The following RFX7 variants were observed in gnomAD, a reference collection of about 807,000 sequenced individuals.
The protein encoded by RFX7 is regulatory factor X7.
In RFX7, 26 loss-of-function variants were observed where a neutral mutation model predicts 111.8. The observed-to-expected ratio is 0.23, with a 90% CI of 0.17 to 0.32. RFX7 has a LOEUF of 0.32. RFX7 is among the 10% of genes least tolerant of loss of function. The pLI is 1.00. For missense variants in RFX7, 1,573 were observed against 1,772.9 expected, an observed-to-expected ratio of 0.89 and a Z score of 2.02; for synonymous variants, 624 against 624.4, an observed-to-expected ratio of 1.00 and a Z score of 0.01.
At chr15:56,142,141 A>C (rs2042409120) in intron 5 of RFX7, among the ~76,000 whole-genome samples, 1 of 152,104 alleles carries the variant, frequency 6.6e-6, no homozygotes, top group South Asian at 2.1e-4. Flanking sequence ...CCTCCTTCCA[A>C]ATCAATTATA....
chr15:56,154,147 GA>G (rs2042617023), intron 3 of RFX7, among the ~76,000 whole-genome samples: 1 of 152,028 alleles, frequency 6.6e-6, no homozygotes, highest in African/African-American at 2.4e-5. Context: ...CAAACAAAAG[GA>G]AAAATATTCC....
chr15:56,230,833 G>A (rs1296639122), intron 2 of RFX7, among the ~76,000 whole-genome samples: 3 of 152,286 alleles, frequency 2.0e-5, no homozygotes, highest in Middle Eastern at 3.4e-3. Flanking sequence ...AGTGGCTCAC[G>A]CCTGTAATCC....
intron 5 of RFX7, among the ~76,000 whole-genome samples, chr15:56,110,328 T>C (rs1416532591): frequency 2.6e-4 from 6 of 23,084 alleles, no homozygotes; most frequent in Non-Finnish European, 4.7e-4. Flanking sequence ...GGGGGGGGGG[T>C]CAGCCCCCCG....
At chr15:56,193,560 T>C (rs549043053) in intron 2 of RFX7, among the ~76,000 whole-genome samples, 1 of 152,332 alleles carries the variant, frequency 6.6e-6, no homozygotes, top group African/African-American at 2.4e-5. Context: ...TCTGGTATTT[T>C]GGTATTAGAT....
At chr15:56,110,075 C>G (rs1360471772) in intron 5 of RFX7, among the ~76,000 whole-genome samples, 1 of 129,656 alleles carries the variant, frequency 7.7e-6, no homozygotes, top group Non-Finnish European at 1.6e-5. Context: ...CCAGCCGCCC[C>G]GTCTGGGAGG....
intron 5 of RFX7, among the ~76,000 whole-genome samples, chr15:56,135,613 A>T (rs1307790057): frequency 1.3e-5 from 2 of 151,836 alleles, no homozygotes; most frequent in Non-Finnish European, 2.9e-5. Flanking sequence ...GAAGCTCTTT[A>T]GTTTAATTAG....
intron 2 of RFX7, among the ~76,000 whole-genome samples, chr15:56,188,052 C>T (rs1326704305): frequency 6.6e-6 from 1 of 151,892 alleles, no homozygotes; most frequent in African/African-American, 2.4e-5. Flanking sequence ...TAAACATGTT[C>T]AAGTATTTAA....
chr15:56,095,407 A>G lies in RFX7; in HGVS notation c.2321T>C (p.Val774Ala), dbSNP rs370859495. 2.5e-6 allele frequency: 4 copies of G among 1,613,426 alleles called. No individual in the cohort carries two copies. Among genetic ancestry groups the G allele is most frequent in the South Asian group, 1.1e-5 (1 of 91,088 alleles). The stretch of plus-strand genomic sequence containing the variant: ...CCATCCATTTGGATTAAAGCTGCCA[A>G]CTGACTTTGAATCACTGTCCAAGAG... ...VFLLDSDSKSVGSFNPNGWQQ... is the reference protein window; with the variant it reads ...VFLLDSDSKSAGSFNPNGWQQ... The change falls in exon 10 of 10, where the codon GTT (valine) becomes GCT (alanine). Residue 774 changes from valine (V) to alanine (A), a missense_variant. Physicochemically the swap from Val to Ala is moderately conservative, Grantham distance 64. This residue lies in a region of RFX7 where 625 missense variants were observed against 632.2 expected (regional missense o/e 0.99). Transcript: ENST00000559447.
Position 56,095,764 on chromosome 15 carries a change from C to A in RFX7, c.1964G>T (p.Ser655Ile). 3 of 1,613,788 alleles carry A rather than the reference C, an allele frequency of 1.9e-6. No homozygotes were observed. Among genetic ancestry groups the A allele is most frequent in the Non-Finnish European group, 2.5e-6 (3 of 1,179,862 alleles). ...TGTAGAAGACAGTCGTTTTCTTGGGCTTTTAGTGCATAATTTAGGGTCTTT... is the reference window on the plus strand; with the variant it reads ...TGTAGAAGACAGTCGTTTTCTTGGGATTTTAGTGCATAATTTAGGGTCTTT... ...INKDPKLCTK[S>I]PRKRLSSTLQ... Residue 655 changes from serine (S) to isoleucine (I), a missense_variant, in exon 10 of 10, where the codon AGC becomes ATC. By Grantham distance (142) the Ser-to-Ile change is moderately radical (BLOSUM62 -2). Around this residue, in one of 7 missense-constraint regions of RFX7, gnomAD observed 625 missense variants for 632.2 expected, o/e 0.99. Coordinates refer to ENST00000559447, the MANE Select transcript of RFX7 (RefSeq NM_022841.7).
chr15:56,111,824 A>C (rs965754508), intron 5 of RFX7, among the ~76,000 whole-genome samples: 7 of 152,350 alleles, frequency 4.6e-5, no homozygotes, highest in South Asian at 2.1e-4. Context: ...ACCAGGATTA[A>C]GAATCACTAA....
chr15:56,102,248 C>G lies in RFX7; in HGVS notation c.524G>C (p.Cys175Ser). ...AGCTTTTTTTCTTAGTCCACTGTAGCAATATGTAATAAACAGTTAAGGTCT... is the reference window on the plus strand; with the variant it reads ...AGCTTTTTTTCTTAGTCCACTGTAGGAATATGTAATAAACAGTTAAGGTCT... ...RLGTRGKSKY[C>S]YSGLRKKAFV... The change falls in exon 7 of 10, where the codon TGC (cysteine) becomes TCC (serine). Residue 175 changes from cysteine to serine, a missense_variant. Physicochemically the swap from Cys to Ser is moderately radical, Grantham distance 112 (BLOSUM62 -1). Transcript: ENST00000559447. 6.2e-7 allele frequency: 1 copy of G among 1,602,376 alleles called. No individual in the cohort carries two copies. Among genetic ancestry groups the G allele is most frequent in the Non-Finnish European group, 8.5e-7 (1 of 1,170,810 alleles).
At chr15:56,108,388 G>C (rs1042906299) in intron 5 of RFX7, among the ~76,000 whole-genome samples, 6 of 152,210 alleles carry the variant, frequency 3.9e-5, no homozygotes, top group Middle Eastern at 3.4e-3. Flanking sequence ...AAGCAAGGTT[G>C]GTTCAACATA....
At chr15:56,133,212 A>G (rs2042241985) in intron 5 of RFX7, among the ~76,000 whole-genome samples, 2 of 152,142 alleles carry the variant, frequency 1.3e-5, no homozygotes, top group South Asian at 2.1e-4. Flanking sequence ...CAAATAAAAA[A>G]GCTCAAAATC....
At chr15:56,203,257 A>G (rs530602411) in intron 2 of RFX7, among the ~76,000 whole-genome samples, 1 of 152,342 alleles carries the variant, frequency 6.6e-6, no homozygotes, top group East Asian at 1.9e-4. Flanking sequence ...TTAGTGACAT[A>G]TTGCCCGTAT....
At chr15:56,226,611 A>G (rs1393078154) in intron 2 of RFX7, among the ~76,000 whole-genome samples, 1 of 152,180 alleles carries the variant, frequency 6.6e-6, no homozygotes, top group Admixed American at 6.5e-5. Flanking sequence ...AGGAGCTGAG[A>G]AAGAAAACCC....
chr15:56,236,832 A>T (rs2043628758), intron 2 of RFX7, among the ~76,000 whole-genome samples: 1 of 152,228 alleles, frequency 6.6e-6, no homozygotes. Context: ...CTCAACCAGC[A>T]GTTAGTAAAC....
At position 56,243,555 on chromosome 15, in the gene RFX7, C is replaced by T; in HGVS notation, c.-113G>A. Reference sequence around the variant, plus strand: ...ACCGCGGGAGAGGCATGGCGGCGCCCCTCAGCCCCCCGCTGGCGCCGCCGC... The same window carrying T: ...ACCGCGGGAGAGGCATGGCGGCGCCTCTCAGCCCCCCGCTGGCGCCGCCGC... On this transcript the variant is annotated 5_prime_UTR_variant, in exon 1 of 10. Coordinates refer to ENST00000559447, the MANE Select transcript of RFX7 (RefSeq NM_022841.7). The T allele has an allele frequency of 1.0e-6, 1 of 971,886 alleles. No individual in the cohort carries two copies. Among genetic ancestry groups the T allele is most frequent in the African/African-American group, 1.8e-5 (1 of 56,716 alleles). The allele number at this position is 971,886 out of a possible 1,614,324, so 60.2% of individuals were successfully genotyped here.
chr15:56,136,621 C>T (rs1223727592), intron 5 of RFX7, among the ~76,000 whole-genome samples: 1 of 151,988 alleles, frequency 6.6e-6, no homozygotes, highest in Non-Finnish European at 1.5e-5. Context: ...CTTCTCCTGC[C>T]TGACTGCCCT....
intron 5 of RFX7, among the ~76,000 whole-genome samples, chr15:56,140,718 A>G (rs1186042037): frequency 2.6e-5 from 4 of 152,116 alleles, no homozygotes; most frequent in Non-Finnish European, 5.9e-5. Context: ...CTCCCAAACA[A>G]TGTGATGTTT....
Sources: gnomAD v4.1 joint callset for allele counts (sites outside exome capture counted in the v4.1 genomes callset) on GRCh38, gnomAD v4.1.1 for gene constraint, gnomAD v4.1.1 regional missense constraint, MANE v1.5 for transcripts, NCBI Gene and HGNC (gene_info 2026-07-23, HGNC 2026-07-21) for gene names.